VARS2: variants seen among roughly 807,000 people sequenced by gnomAD.
VARS2 encodes valyl-tRNA synthetase 2, mitochondrial, also known as valine--tRNA ligase, mitochondrial.
In VARS2, 105 loss-of-function variants were observed where a neutral mutation model predicts 154.1. The ratio of observed to expected loss-of-function variants is 0.68; its 90% CI spans 0.58 to 0.80. The LOEUF is 0.80. VARS2 is among the 30% of genes least tolerant of loss of function. The pLI is 0.00. For synonymous variants in VARS2, 483 were observed against 539.5 expected (o/e 0.90, Z 1.45); for missense variants, 1,157 against 1,361.4 (o/e 0.85, Z 2.36).
In VARS2 at chr6:30,917,648, C is replaced by A; in HGVS notation, c.874-47C>A. On this transcript the variant is annotated intron_variant, in intron 9 of 29. Coordinates refer to ENST00000676266, the MANE Select transcript of VARS2 (RefSeq NM_020442.6). This position sits in a 1 kb window ranked among gnomAD's most constrained non-coding sequence, Gnocchi z 4.4. ...TGGCAGAGTGAAGCCTGGGCATGAG[C>A]CTTGCAGAAAGGCTGCCCTCTGACC... The A allele has an allele frequency of 6.7e-7, 1 of 1,498,908 alleles. No individual in the cohort carries two copies. Among genetic ancestry groups the A allele is most frequent in the Non-Finnish European group, 9.0e-7 (1 of 1,111,780 alleles). The allele number at this position is 1,498,908 out of a possible 1,614,324, so 92.9% of individuals were successfully genotyped here.
chr6:30,915,018 A>C lies in VARS2; in HGVS notation c.182A>C (p.Glu61Ala), dbSNP rs770294709. 28 of 1,613,504 alleles carry C rather than the reference A, an allele frequency of 1.7e-5. No homozygotes were observed. Among genetic ancestry groups the C allele is most frequent in the Non-Finnish European group, 2.4e-5 (28 of 1,180,016 alleles). The part of the protein sequence containing the change: ...LREKQATLEA[E>A]IAGESKSPAE... ...GAGAAGCAGGCGACTCTGGAGGCTG[A>C]GATAGCAGGGGAGAGCAAGGTTAGG... is the stretch of plus-strand genomic sequence containing the variant. Residue 61 changes from glutamate to alanine, a missense_variant, in exon 2 of 30, where the codon GAG becomes GCG. Transcript: ENST00000676266.
rs17189635 is a variant in VARS2 at position 30,923,451 on chromosome 6, C to A, written c.2412C>A (p.Leu804=). 4 of 1,612,228 alleles carry A rather than the reference C, an allele frequency of 2.5e-6. No individual in the cohort carries two copies. The highest frequency in any genetic ancestry group is 2.5e-6 in the Non-Finnish European group (3 of 1,180,016). The change falls in exon 25 of 30, where the codon CTC becomes CTA. Residue 804 remains leucine (L), a synonymous_variant. Transcript: ENST00000676266. ...GCTTCCTCACCCGAGAGCTCTCGCTCGTCACTCATGCCCTGCACCACTTCT... is the reference window on the plus strand; with the variant it reads ...GCTTCCTCACCCGAGAGCTCTCGCTAGTCACTCATGCCCTGCACCACTTCT... The part of the protein sequence containing the change: ...ERGFLTRELS[L]VTHALHHFWL...
At position 30,922,741 on chromosome 6, in the gene VARS2, C is replaced by T. The variant is rs750823401; in HGVS notation, c.2073C>T (p.Asp691=). 20 of 1,612,392 alleles carry T rather than the reference C, an allele frequency of 1.2e-5. No individual in the cohort carries two copies. The East Asian group carries it at 4.5e-4, about 36-fold the overall frequency. The change falls in exon 22 of 30, where the codon GAC becomes GAT. Residue 691 remains aspartate, a synonymous_variant. Transcript: ENST00000676266. ...AAAAGCTGAGAAGCGGAAATTTGGA[C>T]CCTGCAGAGCTGGCCATTGTGGCTG... The part of the protein sequence containing the change: ...LQEKLRSGNL[D]PAELAIVAAA...
chr6:30,925,376 C>T lies in VARS2; in HGVS notation c.2776C>T (p.Arg926Trp), dbSNP rs765232509. ...AGCCACGTACCAGCTCACCAAAGCC[C>T]GGCCCCGAGGTGAGGCAAGGCGGGT... ...LRATYQLTKARPRVLLQSSEP... is the reference protein window; with the variant it reads ...LRATYQLTKAWPRVLLQSSEP... Residue 926 changes from arginine (R) to tryptophan (W), a missense_variant, in exon 27 of 30, where the codon CGG becomes TGG. Transcript: ENST00000676266. The T allele has an allele frequency of 2.2e-5, 36 of 1,610,040 alleles. No individual in the cohort carries two copies. The highest frequency in any genetic ancestry group is 1.3e-4 in the South Asian group (12 of 90,840).
At position 30,917,045 on chromosome 6, in the gene VARS2, C is replaced by T. The variant is rs1277502173; in HGVS notation, c.754-60C>T. ...GCAGGGAGGAAGCAATGCCTGGGTC[C>T]CTGAGCAGGGTGATGGGCTGAGAAG... On this transcript the variant is annotated intron_variant, in intron 8 of 29. Coordinates refer to ENST00000676266, the MANE Select transcript of VARS2 (RefSeq NM_020442.6). The surrounding 1 kb of genome is among the most constrained non-coding windows in gnomAD (Gnocchi z 4.4). 6.2e-7 allele frequency: 1 copy of T among 1,613,740 alleles called. No homozygotes were observed. Among genetic ancestry groups the T allele is most frequent in the Non-Finnish European group, 8.5e-7 (1 of 1,179,750 alleles).
In VARS2 at chr6:30,926,370, G is replaced by A. The variant is rs1353343494; in HGVS notation, c.*160G>A. 1.4e-6 allele frequency: 1 copy of A among 724,640 alleles called. No individual in the cohort carries two copies. Among genetic ancestry groups the A allele is most frequent in the Non-Finnish European group, 2.3e-6 (1 of 436,536 alleles). The allele number at this position is 724,640 out of a possible 1,614,324, so 44.9% of individuals were successfully genotyped here. On this transcript the variant is annotated 3_prime_UTR_variant, in exon 30 of 30. Transcript: ENST00000676266. ...CTGGCTTGGTCGCAGTGACTGTGGT[G>A]TCCTTGAGATGCTCACATTACTGCC...
At position 30,925,615 on chromosome 6, in the gene VARS2, G is replaced by A; in HGVS notation, c.2857G>A (p.Gly953Ser). ...CTTCTTGGAGCCCCTGGGCACCCTG[G>A]GCTACTGTGGGGCTGTGGGCCTGTT... The part of the protein sequence containing the change: ...EAFLEPLGTL[G>S]YCGAVGLLPP... Residue 953 changes from glycine (G) to serine (S), a missense_variant, in exon 28 of 30, where the codon GGC becomes AGC. By Grantham distance (56) the Gly-to-Ser change is moderately conservative (BLOSUM62 0). Transcript: ENST00000676266. 1 of 1,611,508 alleles carries A rather than the reference G, an allele frequency of 6.2e-7. No individual in the cohort carries two copies. Among genetic ancestry groups the A allele is most frequent in the Non-Finnish European group, 8.5e-7 (1 of 1,179,852 alleles).
chr6:30,926,348 G>T lies in VARS2; in HGVS notation c.*138G>T, dbSNP rs1794837856. ...ATTGTGTAAATGAGGACACAGACTGGCTTGGTCGCAGTGACTGTGGTGTCC... is the reference window on the plus strand; with the variant it reads ...ATTGTGTAAATGAGGACACAGACTGTCTTGGTCGCAGTGACTGTGGTGTCC... On this transcript the variant is annotated 3_prime_UTR_variant, in exon 30 of 30. Coordinates refer to ENST00000676266, the MANE Select transcript of VARS2 (RefSeq NM_020442.6). 2 of 899,232 alleles carry T rather than the reference G, an allele frequency of 2.2e-6. No individual in the cohort carries two copies. Among genetic ancestry groups the T allele is most frequent in the African/African-American group, 3.3e-5 (2 of 60,156 alleles). The allele number at this position is 899,232 out of a possible 1,614,324, so 55.7% of individuals were successfully genotyped here. A position where few individuals can be genotyped will look rare whatever the true frequency, so the allele number is the denominator to read the frequency against.
Position 30,920,250 on chromosome 6 carries a change from G to T in VARS2, c.1293+34G>T. ...ACCCTATGTTACCCCATCCTTTGGG[G>T]GCTCTCTGTCCCCCTAATCCTCCTC... On this transcript the variant is annotated intron_variant, in intron 13 of 29. Transcript: ENST00000676266. This position sits in a 1 kb window ranked among gnomAD's most constrained non-coding sequence, Gnocchi z 4.6. The T allele has an allele frequency of 5.1e-6, 8 of 1,560,540 alleles. No homozygotes were observed. The highest frequency in any genetic ancestry group is 6.9e-6 in the Non-Finnish European group (8 of 1,153,392).
Position 30,926,184 on chromosome 6 carries a change from C to T in VARS2, c.3166C>T (p.Pro1056Ser), listed in dbSNP as rs148922679. The T allele has an allele frequency of 2.2e-5, 35 of 1,613,000 alleles. No homozygotes were observed. The highest frequency in any genetic ancestry group is 6.7e-5 in the East Asian group (3 of 44,902). ...SHLRQLMDEP[P>S]APGSPEL ...CCTCCGGCAGCTGATGGATGAGCCT[C>T]CAGCCCCAGGGAGCCCGGAGCTCTA... The change falls in exon 30 of 30, where the codon CCA becomes TCA. Residue 1056 changes from proline to serine, a missense_variant. Coordinates refer to ENST00000676266, the MANE Select transcript of VARS2 (RefSeq NM_020442.6).
In VARS2 at chr6:30,920,816, G is replaced by A; in HGVS notation, c.1479+67G>A. 2 of 1,373,094 alleles carry A rather than the reference G, an allele frequency of 1.5e-6. No individual in the cohort carries two copies. The highest frequency in any genetic ancestry group is 2.6e-5 in the Admixed American group (1 of 38,046). 85.1% of individuals were successfully genotyped at this position (1,373,094 alleles called of 1,614,324 possible). On this transcript the variant is annotated intron_variant, in intron 15 of 29. Transcript: ENST00000676266. This position sits in a 1 kb window ranked among gnomAD's most constrained non-coding sequence, Gnocchi z 4.6. ...GGAGCTCCCTGAGAATTGGAATGAA[G>A]AAATGGGAAGCAGGAGACCTCCTGC...
rs773299024 is a variant in VARS2, at chr6:30,923,425, G to A, written c.2386G>A (p.Gly796Ser). ...LALAAQECERGFLTRELSLVT... is the reference protein window; with the variant it reads ...LALAAQECERSFLTRELSLVT... ...CCTGGCTGCCCAGGAGTGTGAGCGG[G>A]GCTTCCTCACCCGAGAGCTCTCGCT... The change falls in exon 25 of 30, where the codon GGC becomes AGC. Residue 796 changes from glycine (G) to serine (S), a missense_variant. By Grantham distance (56) the Gly-to-Ser change is moderately conservative (BLOSUM62 0). Transcript: ENST00000676266. The A allele has an allele frequency of 6.2e-7, 1 of 1,612,266 alleles. No homozygotes were observed. Among genetic ancestry groups the A allele is most frequent in the Non-Finnish European group, 8.5e-7 (1 of 1,180,038 alleles).
rs753796094 is a variant in VARS2, at chr6:30,920,434, C to T, written c.1395C>T (p.Cys465=). Residue 465 remains cysteine (C), a splice_region_variant and synonymous_variant, in exon 14 of 30, where the codon TGC becomes TGT. Coordinates refer to ENST00000676266, the MANE Select transcript of VARS2 (RefSeq NM_020442.6). This position sits in a 1 kb window ranked among gnomAD's most constrained non-coding sequence, Gnocchi z 4.6. ...LQNHPMVLPI[C]SRSGDVIEYL... ...ACCACCCCATGGTACTGCCCATCTG[C>T]AGGTAACCTCATTTTAACTCCTTTA... 4 of 1,601,314 alleles carry T rather than the reference C, an allele frequency of 2.5e-6. No homozygotes were observed. The South Asian group carries it at 4.5e-5, about 18-fold the overall frequency.
In VARS2 at chr6:30,919,028, T is replaced by A. The variant is rs1794346322; in HGVS notation, c.1074+113T>A. 1 of 970,320 alleles carries A rather than the reference T, an allele frequency of 1.0e-6. No individual in the cohort carries two copies. The highest frequency in any genetic ancestry group is 2.6e-5 in the East Asian group (1 of 38,696). The allele number at this position is 970,320 out of a possible 1,614,324, so 60.1% of individuals were successfully genotyped here. On this transcript the variant is annotated intron_variant, in intron 11 of 29. Transcript: ENST00000676266. The surrounding 1 kb of genome is among the most constrained non-coding windows in gnomAD (Gnocchi z 4.5). ...TGCTTCTACTTCCTTTTCCTGAGACTTCTCTCAGTGGTTCTGATTGGACTC... is the reference window on the plus strand; with the variant it reads ...TGCTTCTACTTCCTTTTCCTGAGACATCTCTCAGTGGTTCTGATTGGACTC...
Position 30,922,475 on chromosome 6 carries a change from A to T in VARS2, c.1958A>T (p.Asp653Val), listed in dbSNP as rs1046608828. Reference sequence around the variant, plus strand: ...GTGCTTCTTCATCCCATGGTTCGGGACAGGCAGGGCCGGAAGATGAGCAAG... The same window carrying T: ...GTGCTTCTTCATCCCATGGTTCGGGTCAGGCAGGGCCGGAAGATGAGCAAG... The part of the protein sequence containing the change: ...SKVLLHPMVR[D>V]RQGRKMSKSL... The change falls in exon 21 of 30, where the codon GAC becomes GTC. Residue 653 changes from aspartate to valine, a missense_variant. Transcript: ENST00000676266. The T allele has an allele frequency of 1.9e-6, 3 of 1,602,256 alleles. No individual in the cohort carries two copies. The highest frequency in any genetic ancestry group is 2.6e-6 in the Non-Finnish European group (3 of 1,175,084).
In VARS2 at chr6:30,920,194, C is replaced by T. The variant is rs1794420232; in HGVS notation, c.1271C>T (p.Ser424Phe). The T allele has an allele frequency of 1.3e-6, 2 of 1,585,346 alleles. No individual in the cohort carries two copies. Among genetic ancestry groups the T allele is most frequent in the Non-Finnish European group, 8.6e-7 (1 of 1,164,692 alleles). Residue 424 changes from serine to phenylalanine, a missense_variant, in exon 13 of 30, where the codon TCC (serine) becomes TTC (phenylalanine). Ser to Phe is a radical substitution (Grantham distance 155). Coordinates refer to ENST00000676266, the MANE Select transcript of VARS2 (RefSeq NM_020442.6). This position sits in a 1 kb window ranked among gnomAD's most constrained non-coding sequence, Gnocchi z 4.6. ...ATTGCGGAGGATGGGACCATGACCTCCCTCTGCGGGGACTGGCTGCAGGTG... is the reference window on the plus strand; with the variant it reads ...ATTGCGGAGGATGGGACCATGACCTTCCTCTGCGGGGACTGGCTGCAGGTG... ...NVIAEDGTMTSLCGDWLQGLH... is the reference protein window; with the variant it reads ...NVIAEDGTMTFLCGDWLQGLH...
Position 30,916,338 on chromosome 6 carries a change from G to A in VARS2, c.671+89G>A, listed in dbSNP as rs1794170750. ...CTATCACTCCTGACTTGTAATCCTTGGCTCTTCCCGACACAGCTCTGACTT... is the reference window on the plus strand; with the variant it reads ...CTATCACTCCTGACTTGTAATCCTTAGCTCTTCCCGACACAGCTCTGACTT... On this transcript the variant is annotated intron_variant, in intron 7 of 29. Transcript: ENST00000676266. The surrounding 1 kb of genome is among the most constrained non-coding windows in gnomAD (Gnocchi z 4.0). 8.9e-7 allele frequency: 1 copy of A among 1,128,724 alleles called. No homozygotes were observed. The highest frequency in any genetic ancestry group is 1.2e-6 in the Non-Finnish European group (1 of 801,244). The allele number at this position is 1,128,724 out of a possible 1,614,324, so 69.9% of individuals were successfully genotyped here.
At position 30,919,752 on chromosome 6, in the gene VARS2, CT is replaced by C; in HGVS notation, c.1075-4del. ...CCTGTCCTTGATCCCTCTCCCTTCC[CT>C]TCAGCATCTACACGGGCGACAGCTT... On this transcript the variant is annotated splice_polypyrimidine_tract_variant and splice_region_variant and intron_variant, in intron 11 of 29. Transcript: ENST00000676266. This position sits in a 1 kb window ranked among gnomAD's most constrained non-coding sequence, Gnocchi z 4.5. 1 of 1,562,786 alleles carries C rather than the reference CT, an allele frequency of 6.4e-7. No homozygotes were observed. The highest frequency in any genetic ancestry group is 8.7e-7 in the Non-Finnish European group (1 of 1,149,706).
Position 30,919,375 on chromosome 6 carries a change from C to T in VARS2, c.1075-383C>T, listed in dbSNP as rs986457291. 4.0e-5 allele frequency: 8 copies of T among 200,208 alleles called. No individual in the cohort carries two copies. The highest frequency in any genetic ancestry group is 6.0e-5 in the Non-Finnish European group (6 of 99,940). The allele number at this position is 200,208 out of a possible 1,614,324, so 12.4% of individuals were successfully genotyped here. The stretch of plus-strand genomic sequence containing the variant: ...TTTAAGTAATGTTATTTAGTAGAGA[C>T]GGAGTGTCACTGTGTTAGCCAGGAT... On this transcript the variant is annotated intron_variant, in intron 11 of 29. Transcript: ENST00000676266. This position sits in a 1 kb window ranked among gnomAD's most constrained non-coding sequence, Gnocchi z 4.5.
Sources: gnomAD v4.1 joint callset for allele counts on GRCh38, gnomAD v4.1.1 for gene constraint, Gnocchi (gnomAD v3.1) non-coding constraint, MANE v1.5 for transcripts, NCBI Gene and HGNC (gene_info 2026-07-23, HGNC 2026-07-21) for gene names.